Variants in EYS observed in about 807,000 individuals in gnomAD.
EYS encodes EGF-like photoreceptor maintenance factor.
Under a neutral mutation model 282.1 loss-of-function variants are expected in EYS, and 250 were observed. The observed-to-expected ratio is 0.89, with a 90% confidence interval of 0.80 to 0.98. The LOEUF (loss-of-function observed/expected upper bound fraction) is 0.98. EYS is among the 50% of genes least tolerant of loss of function. The probability of loss-of-function intolerance (pLI) is 0.00; values close to 1 mark genes in which losing one functional copy is unlikely to be tolerated. For synonymous variants in EYS, 1,355 were observed against 1,282.9 expected (o/e 1.06, Z -1.20); for missense variants, 4,016 against 3,709.0 (o/e 1.08, Z -2.15).
At chr6:65,519,222 T>G (rs909283832) in intron 2 of EYS, among the ~76,000 whole-genome samples, 1 of 152,036 alleles carries the variant, frequency 6.6e-6, no homozygotes, top group African/African-American at 2.4e-5. Flanking sequence ...ATTATTGGAT[T>G]GTGGATGTTT....
chr6:65,019,901 C>A (rs1055585067), intron 13 of EYS, among the ~76,000 whole-genome samples: 7 of 129,694 alleles, frequency 5.4e-5, no homozygotes, highest in Non-Finnish European at 9.7e-5. Context: ...CTTCACATGG[C>A]GGCAGCAAGA....
chr6:65,606,114 A>C (rs1307460432), intron 2 of EYS, among the ~76,000 whole-genome samples: 1 of 151,646 alleles, frequency 6.6e-6, no homozygotes. Flanking sequence ...ATTTATTTAC[A>C]TGACAAAATG....
intron 14 of EYS, among the ~76,000 whole-genome samples, chr6:64,970,528 G>C (rs1380084610): frequency 6.6e-6 from 1 of 152,108 alleles, no homozygotes; most frequent in Non-Finnish European, 1.5e-5. Context: ...ACCTCCTGTA[G>C]CTATTGCAGT....
chr6:64,428,845 C>A (rs1168190967), intron 28 of EYS, among the ~76,000 whole-genome samples: 16 of 152,102 alleles, frequency 1.1e-4, no homozygotes, highest in Admixed American at 1.0e-3. Context: ...CTTGTGTATA[C>A]TTTGAATTTT....
chr6:64,546,025 A>C (rs1764850673), intron 26 of EYS, among the ~76,000 whole-genome samples: 1 of 152,206 alleles, frequency 6.6e-6, no homozygotes, highest in South Asian at 2.1e-4. Flanking sequence ...AAACTACTTT[A>C]AAGTTCATAT....
intron 13 of EYS, among the ~76,000 whole-genome samples, chr6:65,051,964 C>CA (rs1773282653): frequency 6.6e-6 from 1 of 151,460 alleles, no homozygotes; most frequent in Non-Finnish European, 1.5e-5. Flanking sequence ...CACTTTGCTT[C>CA]TTTAAATACT....
chr6:65,401,943 A>C (rs1009068596), intron 7 of EYS, among the ~76,000 whole-genome samples: 1 of 152,034 alleles, frequency 6.6e-6, no homozygotes, highest in Non-Finnish European at 1.5e-5. Flanking sequence ...AAATTGACTA[A>C]ATTATACACC....
intron 22 of EYS, among the ~76,000 whole-genome samples, chr6:64,730,347 C>G (rs1360516163): frequency 6.6e-6 from 1 of 152,154 alleles, no homozygotes; most frequent in Non-Finnish European, 1.5e-5. Context: ...CTGTGATCAC[C>G]TAGATATGTT....
chr6:65,541,194 C>T (rs534779690), intron 2 of EYS, among the ~76,000 whole-genome samples: 1 of 152,060 alleles, frequency 6.6e-6, no homozygotes, highest in South Asian at 2.1e-4. Flanking sequence ...CACAAATGTA[C>T]ATTAAATAGT....
chr6:65,649,501 A>G (rs936915189), intron 1 of EYS, among the ~76,000 whole-genome samples: 1 of 152,218 alleles, frequency 6.6e-6, no homozygotes, highest in African/African-American at 2.4e-5. Flanking sequence ...TCAAATATCC[A>G]TTTAAATTAT....
At chr6:65,394,930 A>G (rs550271880) in intron 7 of EYS, among the ~76,000 whole-genome samples, 1 of 152,318 alleles carries the variant, frequency 6.6e-6, no homozygotes, top group African/African-American at 2.4e-5. Flanking sequence ...AGATGATGCC[A>G]TCAAACCATG....
At chr6:64,315,736 A>G (rs1769929942) in intron 29 of EYS, among the ~76,000 whole-genome samples, 1 of 151,852 alleles carries the variant, frequency 6.6e-6, no homozygotes, top group African/African-American at 2.4e-5. Context: ...CATCATCCTG[A>G]TACGAAAACC....
intron 26 of EYS, among the ~76,000 whole-genome samples, chr6:64,546,924 G>T (rs1446255374): frequency 6.6e-6 from 1 of 152,186 alleles, no homozygotes; most frequent in Non-Finnish European, 1.5e-5. Flanking sequence ...CACTGTTGGT[G>T]CTGTGTCCAG....
chr6:64,398,318 C>T (rs1394051906), intron 28 of EYS, among the ~76,000 whole-genome samples: 1 of 151,834 alleles, frequency 6.6e-6, no homozygotes, highest in East Asian at 1.9e-4. Context: ...AACTTGAACA[C>T]GCGTTAGGAG....
At chr6:65,456,379 G>C (rs2019255) in intron 5 of EYS, among the ~76,000 whole-genome samples, 27,921 of 151,480 alleles carry the variant, frequency 0.18, 3,217 homozygotes, top group Middle Eastern at 0.3. Context: ...GAACCTGAGA[G>C]GCGGAGGTTG....
chr6:64,704,184 T>A (rs1414202775), intron 22 of EYS, among the ~76,000 whole-genome samples: 1 of 151,576 alleles, frequency 6.6e-6, no homozygotes, highest in Non-Finnish European at 1.5e-5. Flanking sequence ...TTTGCACTAA[T>A]GGAACATGTA....
At chr6:64,950,294 A>G (rs1419908042) in intron 14 of EYS, among the ~76,000 whole-genome samples, 1 of 152,042 alleles carries the variant, frequency 6.6e-6, no homozygotes, top group Non-Finnish European at 1.5e-5. Flanking sequence ...ATTACTCCCA[A>G]GTCTTTATTT....
intron 22 of EYS, among the ~76,000 whole-genome samples, chr6:64,710,432 C>T (rs2149933753): frequency 6.6e-6 from 1 of 152,312 alleles, no homozygotes. Context: ...TTTCATTAGC[C>T]ACGGACCAAA....
At chr6:65,280,929 G>C (rs1386171236) in intron 12 of EYS, among the ~76,000 whole-genome samples, 4 of 148,146 alleles carry the variant, frequency 2.7e-5, no homozygotes, top group Admixed American at 1.4e-4. Flanking sequence ...CTAGCTACTT[G>C]GGAAGCTGAG....
Sources: gnomAD v4.1 joint callset for allele counts (sites outside exome capture counted in the v4.1 genomes callset) on GRCh38, gnomAD v4.1.1 for gene constraint, MANE v1.5 for transcripts, NCBI Gene and HGNC (gene_info 2026-07-23, HGNC 2026-07-21) for gene names.